The following DAB1 variants were observed in gnomAD, a reference collection of about 807,000 sequenced individuals.
The protein encoded by DAB1 is disabled homolog 1.
DAB1 carries 15 observed loss-of-function variants against 64.6 expected under a neutral mutation model. The observed-to-expected ratio is 0.23, with a 90% CI of 0.16 to 0.36. The LOEUF (loss-of-function observed/expected upper bound fraction) is 0.36, where lower values mean the gene tolerates loss of function less well. Among genes scored for constraint, DAB1 ranks in the 10% least tolerant of loss-of-function variants. DAB1 has a pLI of 1.00. For synonymous variants in DAB1, 235 were observed against 251.9 expected, an observed-to-expected ratio of 0.93 and a Z score of 0.64; for missense variants, 596 against 706.7, an observed-to-expected ratio of 0.84 and a Z score of 1.78.
chr1:57,143,971 T>A (rs1016419832), intron 3 of DAB1, among the ~76,000 whole-genome samples: 5 of 151,728 alleles, frequency 3.3e-5, no homozygotes, highest in African/African-American at 1.2e-4. Flanking sequence ...TATATATTGT[T>A]AGATGAAGGG....
chr1:57,497,920 T>C (rs935497570), intron 7 of DAB1, among the ~76,000 whole-genome samples: 65 of 152,330 alleles, frequency 4.3e-4, no homozygotes, highest in African/African-American at 1.5e-3. Flanking sequence ...GAGAATGAAC[T>C]GGAAGAGGAT....
At chr1:58,167,557 A>G (rs1190693517) in intron 4 of DAB1, among the ~76,000 whole-genome samples, 1 of 152,194 alleles carries the variant, frequency 6.6e-6, no homozygotes, top group African/African-American at 2.4e-5. Context: ...CTGGCCACCC[A>G]AGCCAGCAGT....
chr1:58,510,675 A>G (rs541832467), intron 2 of DAB1, among the ~76,000 whole-genome samples: 1 of 152,234 alleles, frequency 6.6e-6, no homozygotes, highest in Non-Finnish European at 1.5e-5. Context: ...GAAAGAAAGA[A>G]GTAAAATGAT....
chr1:57,852,809 A>G (rs1478404672), intron 1 of DAB1, among the ~76,000 whole-genome samples: 1 of 152,024 alleles, frequency 6.6e-6, no homozygotes, highest in South Asian at 2.1e-4. Context: ...TTATTTTTCT[A>G]TCATTCTATC....
chr1:58,333,108 C>A (rs191628409), intron 4 of DAB1, among the ~76,000 whole-genome samples: 31 of 152,212 alleles, frequency 2.0e-4, no homozygotes, highest in Non-Finnish European at 4.1e-4. Flanking sequence ...CAGGGGTTCA[C>A]CATATTGGCT....
At chr1:57,391,877 T>A (rs1028422611) in intron 1 of DAB1, among the ~76,000 whole-genome samples, 1 of 151,906 alleles carries the variant, frequency 6.6e-6, no homozygotes, top group Non-Finnish European at 1.5e-5. Context: ...TGCATTTTTT[T>A]AGGTAAAAAT....
intron 4 of DAB1, among the ~76,000 whole-genome samples, chr1:58,312,995 G>A (rs1662464943): frequency 6.6e-6 from 1 of 152,206 alleles, no homozygotes; most frequent in East Asian, 1.9e-4. Context: ...TTAAATATTA[G>A]CTATCTTTTT....
intron 3 of DAB1, among the ~76,000 whole-genome samples, chr1:58,495,082 T>C (rs1019412576): frequency 8.5e-5 from 13 of 152,162 alleles, no homozygotes; most frequent in Admixed American, 1.3e-4. Flanking sequence ...TGGAATACTA[T>C]GCAGCCATAA....
At chr1:57,341,246 G>A (rs868439072) in intron 1 of DAB1, among the ~76,000 whole-genome samples, 2 of 152,136 alleles carry the variant, frequency 1.3e-5, no homozygotes, top group South Asian at 4.1e-4. Context: ...ACATCCAAAT[G>A]GAGATTTGGA....
intron 4 of DAB1, among the ~76,000 whole-genome samples, chr1:57,104,591 C>G (rs1361338057): frequency 6.6e-6 from 1 of 152,080 alleles, no homozygotes; most frequent in Non-Finnish European, 1.5e-5. Context: ...GTATTTCAGG[C>G]TGGAACTTTA....
chr1:57,068,083 C>T (rs1557662142), intron 8 of DAB1, among the ~76,000 whole-genome samples: 1 of 151,198 alleles, frequency 6.6e-6, no homozygotes, highest in Non-Finnish European at 1.5e-5. Flanking sequence ...CTACAAGGCT[C>T]AATGGGAGCC....
At chr1:58,094,888 C>T (rs963112342) in intron 5 of DAB1, among the ~76,000 whole-genome samples, 24 of 152,224 alleles carry the variant, frequency 1.6e-4, no homozygotes, top group African/African-American at 4.8e-4. Context: ...CTCCACTCAG[C>T]TGATGCTGAC....
chr1:57,288,813 AAAGAGGAAG>A lies in DAB1; in HGVS notation c.67+2142_67+2150del, dbSNP rs911404161. Reference sequence around the variant, plus strand: ...GAAGGAGAAAAGGAAAAGGGAGGAAAAAGAGGAAGAAGATCACAGCTAACCTTTGTTAAG... The same window carrying A: ...GAAGGAGAAAAGGAAAAGGGAGGAAAAAGATCACAGCTAACCTTTGTTAAG... On this transcript the variant is annotated intron_variant, in intron 2 of 14. Transcript: ENST00000371236. Among the ~76,000 whole-genome samples, 53 of 152,226 alleles carry A rather than the reference AAAGAGGAAG, an allele frequency of 3.5e-4. No homozygotes were observed. The Middle Eastern group carries it at 0.017, about 49-fold the overall frequency.
intron 7 of DAB1, among the ~76,000 whole-genome samples, chr1:57,636,720 G>A (rs1029809204): frequency 1.3e-5 from 2 of 152,174 alleles, no homozygotes; most frequent in Non-Finnish European, 2.9e-5. Context: ...TGGAATACCA[G>A]AGTTGCCATT....
chr1:57,822,735 T>C (rs1437641289), downstream of DAB1, among the ~76,000 whole-genome samples: 2 of 152,184 alleles, frequency 1.3e-5, no homozygotes, highest in Admixed American at 1.3e-4. Context: ...CATTTTCTAG[T>C]AGCCACATTA....
At chr1:57,796,755 T>C (rs758211000) in intron 6 of DAB1, among the ~76,000 whole-genome samples, 6 of 152,122 alleles carry the variant, frequency 3.9e-5, no homozygotes, top group Non-Finnish European at 7.3e-5. Context: ...TTGGTTCTGC[T>C]GTCCTCCTCT....
intron 9 of DAB1, among the ~76,000 whole-genome samples, chr1:57,040,762 T>G (rs1400556702): frequency 6.6e-6 from 1 of 152,230 alleles, no homozygotes; most frequent in Admixed American, 6.5e-5. Flanking sequence ...AGTTCCACAT[T>G]AGCAAAAACT....
intron 7 of DAB1, among the ~76,000 whole-genome samples, chr1:57,483,904 C>G (rs1168153961): frequency 6.6e-6 from 1 of 152,144 alleles, no homozygotes; most frequent in Admixed American, 6.5e-5. Flanking sequence ...TGCCCTTATG[C>G]AGCATACTTT....
At chr1:57,501,451 A>G (rs1644288542) in intron 7 of DAB1, among the ~76,000 whole-genome samples, 1 of 152,208 alleles carries the variant, frequency 6.6e-6, no homozygotes, top group African/African-American at 2.4e-5. Flanking sequence ...TAGAGGCACT[A>G]GAAATAATAG....
Sources: gnomAD v4.1 joint callset for allele counts (sites outside exome capture counted in the v4.1 genomes callset) on GRCh38, gnomAD v4.1.1 for gene constraint, MANE v1.5 for transcripts, NCBI Gene and HGNC (gene_info 2026-07-23, HGNC 2026-07-21) for gene names.